FGF14: variants seen among roughly 807,000 people sequenced by gnomAD.
The protein encoded by FGF14 is fibroblast growth factor 14, also known as fibroblast growth factor homologous factor 4.
FGF14 carries 5 observed loss-of-function variants against 25.5 expected under a neutral mutation model. The observed-to-expected ratio is 0.20, with a 90% CI of 0.10 to 0.41. FGF14 has a LOEUF of 0.41. FGF14 is among the 10% of genes least tolerant of loss of function. The pLI is 1.00. For missense variants in FGF14, 222 were observed against 320.1 expected, an observed-to-expected ratio of 0.69 and a Z score of 2.34; for synonymous variants, 138 against 118.3, an observed-to-expected ratio of 1.17 and a Z score of -1.08.
At chr13:102,366,733 A>T (rs1282881504) in intron 1 of FGF14, 1 of 152,140 alleles carries the variant, frequency 6.6e-6, no homozygotes, top group Non-Finnish European at 1.5e-5. Context: ...TCACAATGTA[A>T]TTTAAACTAT....
At chr13:102,223,624 C>T (rs2050710716) in intron 1 of FGF14, among the ~76,000 whole-genome samples, 1 of 152,168 alleles carries the variant, frequency 6.6e-6, no homozygotes, top group African/African-American at 2.4e-5. Context: ...GACTTTACTC[C>T]ACTTTTGAAA....
chr13:102,172,477 C>T (rs1476776017), intron 1 of FGF14, among the ~76,000 whole-genome samples: 1 of 152,044 alleles, frequency 6.6e-6, no homozygotes, highest in Admixed American at 6.6e-5. Context: ...AATGTAGTGA[C>T]ATACATTTAC....
At chr13:101,912,835 G>T (rs1237940556) in intron 1 of FGF14, among the ~76,000 whole-genome samples, 1 of 151,930 alleles carries the variant, frequency 6.6e-6, no homozygotes, top group Non-Finnish European at 1.5e-5. Context: ...TTCTTTTTTA[G>T]CTTGGGCCTA....
chr13:102,308,915 A>G (rs1012745407), intron 1 of FGF14, among the ~76,000 whole-genome samples: 1 of 136,494 alleles, frequency 7.3e-6, no homozygotes. Flanking sequence ...GGTTTCTTAT[A>G]CAAAAAAAAA....
At chr13:102,001,502 A>G (rs948562992) in intron 1 of FGF14, among the ~76,000 whole-genome samples, 1 of 152,234 alleles carries the variant, frequency 6.6e-6, no homozygotes, top group African/African-American at 2.4e-5. Flanking sequence ...TCTGCCAGGT[A>G]CCCTTGAGGG....
intron 3 of FGF14, among the ~76,000 whole-genome samples, chr13:101,730,940 C>T (rs2035769706): frequency 6.6e-6 from 1 of 152,110 alleles, no homozygotes; most frequent in Non-Finnish European, 1.5e-5. Context: ...AAAATAAAAA[C>T]CTTAGATCTT....
chr13:101,755,152 A>T (rs927838609), intron 3 of FGF14, among the ~76,000 whole-genome samples: 1 of 152,224 alleles, frequency 6.6e-6, no homozygotes, highest in South Asian at 2.1e-4. Context: ...TTTTGAGTTT[A>T]GTTCAAAAGA....
At chr13:101,928,422 G>GTC (rs1322395188) in intron 1 of FGF14, among the ~76,000 whole-genome samples, 2 of 151,332 alleles carry the variant, frequency 1.3e-5, no homozygotes, top group Non-Finnish European at 2.9e-5. Context: ...GTGTGTGTGT[G>GTC]TAGTTTTTGC....
chr13:101,776,966 A>G (rs2039154257), intron 3 of FGF14, among the ~76,000 whole-genome samples: 1 of 152,186 alleles, frequency 6.6e-6, no homozygotes. Context: ...TTTAAAATGA[A>G]GTTGTTAATC....
chr13:102,111,112 C>CA (rs1324249413), intron 1 of FGF14, among the ~76,000 whole-genome samples: 4 of 152,156 alleles, frequency 2.6e-5, no homozygotes, highest in Non-Finnish European at 5.9e-5. Context: ...GCCTCACTGT[C>CA]AGTCAGGCCT....
chr13:101,995,215 C>G (rs2039118590), intron 1 of FGF14, among the ~76,000 whole-genome samples: 1 of 152,064 alleles, frequency 6.6e-6, no homozygotes, highest in South Asian at 2.1e-4. Context: ...TGTTTTCCCT[C>G]TCTCTTTGAA....
intron 1 of FGF14, among the ~76,000 whole-genome samples, chr13:102,379,415 C>G (rs1188233929): frequency 1.6e-5 from 1 of 63,050 alleles, no homozygotes; most frequent in East Asian, 4.5e-4. Context: ...TATACACATA[C>G]ACACACACAC....
At chr13:102,339,888 C>A (rs543681737) in intron 1 of FGF14, among the ~76,000 whole-genome samples, 1 of 152,124 alleles carries the variant, frequency 6.6e-6, no homozygotes, top group East Asian at 1.9e-4. Context: ...AAGGACCACA[C>A]CATCTAAAGT....
chr13:101,912,668 G>T (rs2033067487), intron 1 of FGF14, among the ~76,000 whole-genome samples: 1 of 151,880 alleles, frequency 6.6e-6, no homozygotes, highest in Admixed American at 6.6e-5. Flanking sequence ...TTATGTTCTT[G>T]CATTCTTATA....
At chr13:102,170,947 C>T (rs1437469622) in intron 1 of FGF14, among the ~76,000 whole-genome samples, 1 of 152,044 alleles carries the variant, frequency 6.6e-6, no homozygotes, top group African/African-American at 2.4e-5. Flanking sequence ...TTACAAAAAA[C>T]AATGTAAAGC....
intron 1 of FGF14, among the ~76,000 whole-genome samples, chr13:101,899,311 G>A (rs1447971040): frequency 6.6e-6 from 1 of 151,232 alleles, no homozygotes; most frequent in Non-Finnish European, 1.5e-5. Context: ...AGATACCAAA[G>A]GGAACAATTA....
chr13:101,795,512 C>G (rs1414866509), intron 3 of FGF14, among the ~76,000 whole-genome samples: 2 of 152,184 alleles, frequency 1.3e-5, no homozygotes, highest in Non-Finnish European at 2.9e-5. Flanking sequence ...AAAAATTCAG[C>G]TTTTCCATAC....
At chr13:102,327,843 CAGAACAAA>C (rs1165845449) in intron 1 of FGF14, among the ~76,000 whole-genome samples, 1 of 137,140 alleles carries the variant, frequency 7.3e-6, no homozygotes, top group African/African-American at 2.7e-5. Flanking sequence ...TCCAAAAAAA[CAGAACAAA>C]AAACAAACAA....
intron 1 of FGF14, among the ~76,000 whole-genome samples, chr13:102,087,403 A>ATTTTTTT (rs1485606038): frequency 1.2e-4 from 10 of 80,496 alleles, no homozygotes; most frequent in Non-Finnish European, 2.4e-4. Flanking sequence ...ATAGACTGTA[A>ATTTTTTT]TTTCTTTTTT....
Sources: allele counts gnomAD v4.1 joint callset (sites outside exome capture counted in the v4.1 genomes callset), GRCh38; gene constraint gnomAD v4.1.1; transcripts MANE v1.5; gene names NCBI Gene and HGNC (gene_info 2026-07-23, HGNC 2026-07-21).